SCD5: variants seen among roughly 807,000 people sequenced by gnomAD.
SCD5 encodes the protein stearoyl-CoA desaturase 5.
A neutral mutation model predicts 30.4 loss-of-function variants in SCD5; 20 were observed. That is an observed-to-expected ratio of 0.66 (90% CI 0.46 to 0.96). The LOEUF is 0.96. SCD5 is among the 40% of genes least tolerant of loss of function. The pLI, the probability that SCD5 is intolerant of heterozygous loss-of-function variation, is 0.00. For missense variants in SCD5, 381 were observed against 443.3 expected (o/e 0.86, Z 1.26); for synonymous variants, 173 against 176.4 (o/e 0.98, Z 0.16).
chr4:82,676,548 T>C (rs1207182634), intron 3 of SCD5, among the ~76,000 whole-genome samples: 1 of 152,224 alleles, frequency 6.6e-6, no homozygotes, highest in Non-Finnish European at 1.5e-5. Flanking sequence ...TCTTCAGGCC[T>C]AGGCTCTATG....
Position 82,636,799 on chromosome 4 carries a change from G to C in SCD5, c.594C>G (p.Leu198=). 6.2e-7 allele frequency: 1 copy of C among 1,613,596 alleles called. No individual in the cohort carries two copies. Among genetic ancestry groups the C allele is most frequent in the Non-Finnish European group, 8.5e-7 (1 of 1,179,698 alleles). ...QRKYYKISVV[L]MCFVVPTLVP... is the part of the protein sequence containing the mutation. The stretch of plus-strand genomic sequence containing the variant: ...CCAGCGTGGGGACCACAAAGCACAT[G>C]AGCACCACGGAGATCTTATAGTACC... The change falls in exon 4 of 5, where the codon CTC becomes CTG. Residue 198 remains leucine (L), a synonymous_variant. Coordinates refer to ENST00000319540, the MANE Select transcript of SCD5 (RefSeq NM_001037582.3).
intron 1 of SCD5, among the ~76,000 whole-genome samples, chr4:82,737,408 T>C (rs1720775038): frequency 6.6e-6 from 1 of 152,180 alleles, no homozygotes; most frequent in South Asian, 2.1e-4. Context: ...ATTTTTTTCA[T>C]TCATTCTATT....
chr4:82,762,950 G>A (rs1721410031), intron 1 of SCD5, among the ~76,000 whole-genome samples: 1 of 152,146 alleles, frequency 6.6e-6, no homozygotes, highest in South Asian at 2.1e-4. Flanking sequence ...GAGCGGTGGA[G>A]CACAGCCCCA....
intron 1 of SCD5, among the ~76,000 whole-genome samples, chr4:82,792,188 C>A (rs1305804646): frequency 6.6e-6 from 1 of 151,852 alleles, no homozygotes; most frequent in Non-Finnish European, 1.5e-5. Flanking sequence ...ACCCAGGAGG[C>A]AGAGGTTACA....
intron 2 of SCD5, among the ~76,000 whole-genome samples, chr4:82,683,731 G>A (rs1274189271): frequency 2.6e-5 from 4 of 152,142 alleles, no homozygotes; most frequent in Non-Finnish European, 1.5e-5. Context: ...TTTCCTCCAT[G>A]CTGTTCTCAT....
intron 1 of SCD5, among the ~76,000 whole-genome samples, chr4:82,782,085 C>T (rs1721886732): frequency 1.3e-5 from 2 of 150,900 alleles, no homozygotes; most frequent in South Asian, 4.3e-4. Context: ...AAAGGACCCT[C>T]CTATCTTGGG....
intron 1 of SCD5, among the ~76,000 whole-genome samples, chr4:82,745,444 C>G (rs1720960950): frequency 6.6e-6 from 1 of 152,184 alleles, no homozygotes; most frequent in African/African-American, 2.4e-5. Context: ...GTTTCAGGCA[C>G]CAGGCAAAGG....
At chr4:82,726,557 T>C (rs918048762) in intron 1 of SCD5, among the ~76,000 whole-genome samples, 1 of 126,554 alleles carries the variant, frequency 7.9e-6, no homozygotes, top group Non-Finnish European at 1.5e-5. Context: ...AGAAAGCAGC[T>C]GTTTTTTTTT....
intron 3 of SCD5, among the ~76,000 whole-genome samples, chr4:82,637,447 T>G (rs1487580740): frequency 6.6e-6 from 1 of 152,258 alleles, no homozygotes; most frequent in Non-Finnish European, 1.5e-5. Flanking sequence ...TCTGGACCTA[T>G]GTACCCAGCA....
At chr4:82,780,360 T>C (rs982618186) in intron 1 of SCD5, among the ~76,000 whole-genome samples, 2 of 152,230 alleles carry the variant, frequency 1.3e-5, no homozygotes, top group Non-Finnish European at 2.9e-5. Context: ...ATAACTGGCC[T>C]AGGTCCATCT....
At chr4:82,732,808 A>C (rs1375449397) in intron 1 of SCD5, among the ~76,000 whole-genome samples, 1 of 152,184 alleles carries the variant, frequency 6.6e-6, no homozygotes, top group Admixed American at 6.5e-5. Flanking sequence ...GAGCTCAGGG[A>C]AAGAAACGGA....
In SCD5 at chr4:82,717,329, G is replaced by C. The variant is rs773778035; in HGVS notation, c.233-11916C>G. Among the ~76,000 whole-genome samples, 26 of 151,628 alleles carry C rather than the reference G, an allele frequency of 1.7e-4. 1 individual carries two copies. The highest frequency in any genetic ancestry group is 6.1e-4 in the African/African-American group (25 of 40,950). On this transcript the variant is annotated intron_variant, in intron 1 of 4. Transcript: ENST00000319540. ...CTCAGGTTCTCTGAGGTGAAATGGGGAAGAGCAAACACATTCATTGCTTCT... is the reference window on the plus strand; with the variant it reads ...CTCAGGTTCTCTGAGGTGAAATGGGCAAGAGCAAACACATTCATTGCTTCT...
At chr4:82,691,163 T>C (rs1728827076) in intron 2 of SCD5, among the ~76,000 whole-genome samples, 1 of 152,136 alleles carries the variant, frequency 6.6e-6, no homozygotes, top group Non-Finnish European at 1.5e-5. Context: ...GTAGCTGGGA[T>C]TACAGGCACT....
At chr4:82,694,329 G>A (rs1030181267) in intron 2 of SCD5, among the ~76,000 whole-genome samples, 1 of 152,176 alleles carries the variant, frequency 6.6e-6, no homozygotes, top group Non-Finnish European at 1.5e-5. Flanking sequence ...CCCTTCTGCT[G>A]GGCGGAGGGG....
rs186602935 is a variant in SCD5, at chr4:82,702,563, G to A, written c.363+2720C>T. The stretch of plus-strand genomic sequence containing the variant: ...GAGTTTAAAATGTTTAAGTCTCAAC[G>A]TTAAGAATACTGTTCTTAATGCTCA... On this transcript the variant is annotated intron_variant, in intron 2 of 4. Transcript: ENST00000319540. 6.6e-5 allele frequency among the ~76,000 whole-genome samples: 10 copies of A among 152,200 alleles called. 1 individual carries two copies. The highest frequency in any genetic ancestry group is 3.4e-3 in the Middle Eastern group (1 of 294).
intron 1 of SCD5, among the ~76,000 whole-genome samples, chr4:82,759,118 T>C (rs1256325723): frequency 6.6e-6 from 1 of 152,236 alleles, no homozygotes; most frequent in Non-Finnish European, 1.5e-5. Flanking sequence ...TCAACCTGTC[T>C]TTTGCGACTG....
intron 1 of SCD5, among the ~76,000 whole-genome samples, chr4:82,739,460 G>C (rs367719904): frequency 4.6e-5 from 7 of 152,372 alleles, no homozygotes; most frequent in Admixed American, 2.6e-4. Context: ...TGCCAGCAGT[G>C]TGGGTGCAGC....
chr4:82,764,072 C>T (rs1560556979), intron 1 of SCD5, among the ~76,000 whole-genome samples: 1 of 152,142 alleles, frequency 6.6e-6, no homozygotes, highest in African/African-American at 2.4e-5. Context: ...ATCATTGGGC[C>T]TCACTTTTTA....
rs548596552 is a variant in SCD5, at chr4:82,657,165, C to T, written c.570-20342G>A. 8.6e-4 allele frequency among the ~76,000 whole-genome samples: 131 copies of T among 152,200 alleles called. 1 individual carries two copies. Among genetic ancestry groups the T allele is most frequent in the South Asian group, 3.5e-3 (17 of 4,818 alleles). On this transcript the variant is annotated intron_variant, in intron 3 of 4. Transcript: ENST00000319540. The stretch of plus-strand genomic sequence containing the variant: ...GCTTTTGGTGTTTTAGTCATGAAGT[C>T]TTTGCTCATGACTATGTCCTGAATG...
Sources: allele counts gnomAD v4.1 joint callset (sites outside exome capture counted in the v4.1 genomes callset), GRCh38; gene constraint gnomAD v4.1.1; transcripts MANE v1.5; gene names NCBI Gene and HGNC (gene_info 2026-07-23, HGNC 2026-07-21).